Variants in MEGF11 observed in about 807,000 individuals in gnomAD.
The protein encoded by MEGF11 is multiple epidermal growth factor-like domains protein 11.
Under a neutral mutation model 146.6 loss-of-function variants are expected in MEGF11, and 126 were observed. That is an observed-to-expected ratio of 0.86 (90% CI 0.74 to 1.00). The LOEUF is 1.00. MEGF11 is among the 50% of genes least tolerant of loss of function. The pLI is 0.00. For synonymous variants in MEGF11, 532 were observed against 583.4 expected (o/e 0.91, Z 1.27); for missense variants, 1,509 against 1,521.2 (o/e 0.99, Z 0.13).
intron 1 of MEGF11, among the ~76,000 whole-genome samples, chr15:66,184,145 G>A (rs2090630248): frequency 6.6e-6 from 1 of 152,190 alleles, no homozygotes; most frequent in East Asian, 1.9e-4. Context: ...TCTTTATTAT[G>A]GCGATGGTTT....
intron 5 of MEGF11, among the ~76,000 whole-genome samples, chr15:66,079,235 C>T (rs1264280539): frequency 2.0e-5 from 3 of 152,100 alleles, no homozygotes; most frequent in Non-Finnish European, 4.4e-5. Context: ...GAGGATTTGT[C>T]TGGGATTTTC....
intron 1 of MEGF11, among the ~76,000 whole-genome samples, chr15:66,173,570 A>G (rs530146946): frequency 6.6e-6 from 1 of 152,208 alleles, no homozygotes; most frequent in South Asian, 2.1e-4. Context: ...ACTTGCCTTA[A>G]TCTCCCAAAG....
chr15:65,979,997 T>C lies in MEGF11; in HGVS notation c.762+781A>G, dbSNP rs2081577737. Reference sequence around the variant, plus strand: ...TGCTTCAGGCTACATCAGAATCACCTATAGTACCTGTTAAAATACAGATTC... The same window carrying C: ...TGCTTCAGGCTACATCAGAATCACCCATAGTACCTGTTAAAATACAGATTC... On this transcript the variant is annotated intron_variant, in intron 7 of 25. Transcript: ENST00000395614. Among the ~76,000 whole-genome samples the C allele has an allele frequency of 1.3e-5, 2 of 152,134 alleles. 1 individual carries two copies. Among genetic ancestry groups the C allele is most frequent in the African/African-American group, 4.8e-5 (2 of 41,422 alleles).
At chr15:66,158,960 C>T (rs1329265982) in intron 1 of MEGF11, among the ~76,000 whole-genome samples, 1 of 152,220 alleles carries the variant, frequency 6.6e-6, no homozygotes. Flanking sequence ...AATGTCCTTA[C>T]TCTTAAAGGG....
chr15:66,225,993 A>G (rs929319598), intron 1 of MEGF11, among the ~76,000 whole-genome samples: 1 of 152,248 alleles, frequency 6.6e-6, no homozygotes, highest in Non-Finnish European at 1.5e-5. Flanking sequence ...AGTTTCAGTT[A>G]CCAACCACAG....
At position 65,918,018 on chromosome 15, in the gene MEGF11, G is replaced by A. The variant is rs373277255; in HGVS notation, c.2034C>T (p.Ile678=). ...CAGGAAAGCACTGGCAGGAGCCATC[G>A]ATAGGGCTGCAGGTCCCGTTGTTGG... ...SCANNGTCSP[I]DGSCQCFPGW... Residue 678 remains isoleucine, a synonymous_variant, in exon 16 of 26, where the codon ATC becomes ATT. Coordinates refer to ENST00000395614, the MANE Select transcript of MEGF11 (RefSeq NM_001385028.1). 3.0e-5 allele frequency: 49 copies of A among 1,613,898 alleles called. No homozygotes were observed. Among genetic ancestry groups the A allele is most frequent in the East Asian group, 6.7e-5 (3 of 44,894 alleles).
chr15:66,164,111 G>T (rs2090034290), intron 1 of MEGF11, among the ~76,000 whole-genome samples: 1 of 152,150 alleles, frequency 6.6e-6, no homozygotes, highest in Non-Finnish European at 1.5e-5. Flanking sequence ...GTGGGGTGGA[G>T]GTCCATTGTG....
chr15:65,896,760 A>C lies in MEGF11; in HGVS notation c.*1174T>G, dbSNP rs2078366291. On this transcript the variant is annotated 3_prime_UTR_variant, in exon 26 of 26. Transcript: ENST00000395614. The stretch of plus-strand genomic sequence containing the variant: ...ATATTGGGCTAGCTCAGTAAGTAGT[A>C]GTTTTAAGATAGAAGGTGGAAGGAC... 6.6e-6 allele frequency: 1 copy of C among 152,220 alleles called. No individual in the cohort carries two copies. Among genetic ancestry groups the C allele is most frequent in the Admixed American group, 6.5e-5 (1 of 15,282 alleles). The allele number at this position is 152,220 out of a possible 1,614,324, so 9.4% of individuals were successfully genotyped here.
chr15:66,226,611 T>C (rs1162675641), intron 1 of MEGF11, among the ~76,000 whole-genome samples: 1 of 152,218 alleles, frequency 6.6e-6, no homozygotes, highest in African/African-American at 2.4e-5. Context: ...TTGTTATAAT[T>C]GGTCTATTTT....
At chr15:65,954,110 G>C (rs2080495889) in intron 10 of MEGF11, among the ~76,000 whole-genome samples, 1 of 152,114 alleles carries the variant, frequency 6.6e-6, no homozygotes, top group Admixed American at 6.5e-5. Context: ...GGCCCAGCAA[G>C]GTAAAGCGAC....
intron 5 of MEGF11, among the ~76,000 whole-genome samples, chr15:65,992,589 G>A (rs2082086236): frequency 6.6e-6 from 1 of 152,030 alleles, no homozygotes; most frequent in African/African-American, 2.4e-5. Context: ...TGCTTTAGGA[G>A]AGAGGAGGTG....
intron 4 of MEGF11, among the ~76,000 whole-genome samples, chr15:66,103,767 GC>G (rs1272629439): frequency 1.3e-5 from 2 of 152,182 alleles, no homozygotes; most frequent in East Asian, 3.8e-4. Context: ...AAGTAGAACA[GC>G]ACATCGTAGT....
intron 4 of MEGF11, 99 bp from the exon 5 acceptor site, chr15:66,094,593 G>T (rs2086459786): frequency 2.0e-6 from 2 of 989,328 alleles, no homozygotes; most frequent in Non-Finnish European, 3.1e-6. Flanking sequence ...ACTCCCTGGT[G>T]CCCAGGGATG....
intron 1 of MEGF11, among the ~76,000 whole-genome samples, chr15:66,206,802 C>G (rs548345028): frequency 6.6e-6 from 1 of 152,232 alleles, no homozygotes; most frequent in Non-Finnish European, 1.5e-5. Flanking sequence ...ACTCAGGAGG[C>G]TGAGGCAGGA....
chr15:65,960,091 C>T (rs1024817759), intron 9 of MEGF11, among the ~76,000 whole-genome samples: 1 of 152,190 alleles, frequency 6.6e-6, no homozygotes, highest in Non-Finnish European at 1.5e-5. Flanking sequence ...AATGCTGCAT[C>T]TGTTGGCTAA....
intron 7 of MEGF11, among the ~76,000 whole-genome samples, 198 bp downstream of exon 7, chr15:65,980,580 G>T (rs2141677438): frequency 6.6e-6 from 1 of 152,162 alleles, no homozygotes; most frequent in South Asian, 2.1e-4. Flanking sequence ...TGTATTTTTA[G>T]TAGAGATGGG....
At chr15:66,059,640 C>G (rs1306687037) in intron 5 of MEGF11, among the ~76,000 whole-genome samples, 1 of 144,690 alleles carries the variant, frequency 6.9e-6, no homozygotes, top group Admixed American at 6.9e-5. Flanking sequence ...TTCTTAAATT[C>G]AGAGAAATAT....
chr15:66,232,687 G>C (rs1437921532), intron 1 of MEGF11, among the ~76,000 whole-genome samples: 2 of 152,118 alleles, frequency 1.3e-5, no homozygotes, highest in Admixed American at 1.3e-4. Context: ...TATACCTCCA[G>C]TCTCTGATTA....
At chr15:66,142,214 C>G (rs1398320662) in intron 1 of MEGF11, among the ~76,000 whole-genome samples, 2 of 152,186 alleles carry the variant, frequency 1.3e-5, no homozygotes, top group East Asian at 3.9e-4. Flanking sequence ...AGTGAGAGCA[C>G]TCCTAGACCT....
Sources: allele counts gnomAD v4.1 joint callset (sites outside exome capture counted in the v4.1 genomes callset), GRCh38; gene constraint gnomAD v4.1.1; transcripts MANE v1.5; gene names NCBI Gene and HGNC (gene_info 2026-07-23, HGNC 2026-07-21).